The following ROBO1 variants were observed in gnomAD, a reference collection of about 807,000 sequenced individuals.
ROBO1 encodes the protein roundabout guidance receptor 1.
In ROBO1, 149 loss-of-function variants were observed where a neutral mutation model predicts 195.9. The observed-to-expected ratio is 0.76, with a 90% CI of 0.67 to 0.87. ROBO1 has a LOEUF of 0.87. Among genes scored for constraint, ROBO1 ranks in the 40% least tolerant of loss-of-function variants. ROBO1 has a pLI of 0.00. For synonymous variants in ROBO1, 816 were observed against 733.2 expected (o/e 1.11, Z -1.82); for missense variants, 1,933 against 2,068.3 (o/e 0.93, Z 1.27).
intron 3 of ROBO1, among the ~76,000 whole-genome samples, chr3:79,095,452 G>A (rs911751204): frequency 6.6e-6 from 1 of 151,914 alleles, no homozygotes; most frequent in Non-Finnish European, 1.5e-5. Flanking sequence ...AAACTGAGAC[G>A]ACCAGCCACT....
chr3:79,142,842 G>A (rs1399626695), intron 2 of ROBO1, among the ~76,000 whole-genome samples: 1 of 152,026 alleles, frequency 6.6e-6, no homozygotes, highest in Non-Finnish European at 1.5e-5. Flanking sequence ...TCTATATATT[G>A]ACAGAATTAT....
At chr3:79,329,498 T>C (rs1275097513) in intron 2 of ROBO1, among the ~76,000 whole-genome samples, 2 of 152,214 alleles carry the variant, frequency 1.3e-5, no homozygotes, top group Non-Finnish European at 2.9e-5. Flanking sequence ...TGTTTTCTTA[T>C]AAAATAGAAA....
At chr3:79,446,327 C>T (rs980652709) in intron 2 of ROBO1, among the ~76,000 whole-genome samples, 1 of 152,042 alleles carries the variant, frequency 6.6e-6, no homozygotes, top group Non-Finnish European at 1.5e-5. Context: ...TTATAGGAGT[C>T]TATAATTGCA....
intron 2 of ROBO1, among the ~76,000 whole-genome samples, chr3:79,215,788 TC>T: frequency 6.6e-6 from 1 of 152,236 alleles, no homozygotes; most frequent in Admixed American, 6.5e-5. Flanking sequence ...TAAAGGGGGC[TC>T]AATTTGCATT....
At chr3:78,740,213 A>AT (rs1187646208) in intron 5 of ROBO1, among the ~76,000 whole-genome samples, 3 of 152,144 alleles carry the variant, frequency 2.0e-5, no homozygotes, top group African/African-American at 7.2e-5. Context: ...ATTGACAAGT[A>AT]TAAGTGTACC....
At position 78,670,302 on chromosome 3, in the gene ROBO1, C is replaced by A. The variant is rs1707994854; in HGVS notation, c.1343-1G>T. ...ACTGGGGGAGGCCGATCTGCAATCA[C>A]TGCCAGAAGAAACAACAGGAAATAG... On this transcript the variant is annotated splice_acceptor_variant, in intron 10 of 30. Coordinates refer to ENST00000464233, the MANE Select transcript of ROBO1 (RefSeq NM_002941.4). LOFTEE classifies it high-confidence loss of function. 6 of 1,556,016 alleles carry A rather than the reference C, an allele frequency of 3.9e-6. No individual in the cohort carries two copies. The highest frequency in any genetic ancestry group is 5.2e-6 in the Non-Finnish European group (6 of 1,149,154).
At chr3:78,878,041 C>A (rs1427492059) in intron 4 of ROBO1, among the ~76,000 whole-genome samples, 1 of 152,142 alleles carries the variant, frequency 6.6e-6, no homozygotes, top group East Asian at 1.9e-4. Context: ...ATCACCTTAT[C>A]AATTTTCACT....
chr3:78,942,922 AT>A (rs556477712), intron 3 of ROBO1, among the ~76,000 whole-genome samples: 26 of 146,858 alleles, frequency 1.8e-4, no homozygotes, highest in Admixed American at 2.7e-4. Flanking sequence ...TAAAAAGTTT[AT>A]TTTTTTTTTT....
intron 3 of ROBO1, among the ~76,000 whole-genome samples, chr3:78,964,874 G>C (rs918108177): frequency 6.8e-6 from 1 of 146,956 alleles, no homozygotes; most frequent in Non-Finnish European, 1.5e-5. Context: ...TGTAGAGACA[G>C]ATTCTCTCTC....
chr3:79,435,762 T>G (rs2038863352), intron 2 of ROBO1, among the ~76,000 whole-genome samples: 1 of 152,184 alleles, frequency 6.6e-6, no homozygotes, highest in Admixed American at 6.5e-5. Flanking sequence ...TTGAGCAAAC[T>G]TCCTGTTGAA....
intron 29 of ROBO1, among the ~76,000 whole-genome samples, chr3:78,604,662 T>G (rs1037786088): frequency 6.6e-6 from 1 of 152,126 alleles, no homozygotes; most frequent in Admixed American, 6.5e-5. Context: ...ATGCCTGGAT[T>G]AGGAGTTCAT....
At chr3:78,905,069 C>A (rs2037821827) in intron 4 of ROBO1, among the ~76,000 whole-genome samples, 1 of 151,914 alleles carries the variant, frequency 6.6e-6, no homozygotes, top group Admixed American at 6.6e-5. Context: ...TTGCTTCTAC[C>A]ATATTTAAAA....
intron 3 of ROBO1, among the ~76,000 whole-genome samples, chr3:79,075,013 A>C (rs1408394506): frequency 2.6e-5 from 4 of 152,128 alleles, no homozygotes; most frequent in Middle Eastern, 6.8e-3. Flanking sequence ...AGAGGATATT[A>C]ATATGGAATA....
intron 4 of ROBO1, among the ~76,000 whole-genome samples, chr3:78,873,080 G>C (rs2035639963): frequency 6.6e-6 from 1 of 152,034 alleles, no homozygotes; most frequent in Non-Finnish European, 1.5e-5. Context: ...TAAATATTAA[G>C]AATCCCATAT....
intron 1 of ROBO1, among the ~76,000 whole-genome samples, chr3:79,597,160 G>A (rs917087963): frequency 6.6e-6 from 1 of 151,250 alleles, no homozygotes; most frequent in Non-Finnish European, 1.5e-5. Flanking sequence ...TATTATGACT[G>A]ACTAATCTAC....
intron 2 of ROBO1, among the ~76,000 whole-genome samples, chr3:79,152,390 G>A (rs2080788304): frequency 6.6e-6 from 1 of 151,780 alleles, no homozygotes; most frequent in South Asian, 2.1e-4. Context: ...GAGGTAGAGT[G>A]TGGGGACAGA....
chr3:79,526,710 T>C (rs1396927114), intron 2 of ROBO1: 1 of 152,204 alleles, frequency 6.6e-6, no homozygotes, highest in Non-Finnish European at 1.5e-5. Flanking sequence ...AATTTTTGTC[T>C]AAGTATTCAC....
intron 4 of ROBO1, among the ~76,000 whole-genome samples, chr3:78,868,669 A>G (rs764303840): frequency 2.6e-5 from 4 of 152,178 alleles, no homozygotes; most frequent in Non-Finnish European, 5.9e-5. Flanking sequence ...TAAACACAGG[A>G]AAATTGAGCC....
intron 4 of ROBO1, among the ~76,000 whole-genome samples, chr3:78,810,161 G>A (rs2084691709): frequency 6.6e-6 from 1 of 152,172 alleles, no homozygotes; most frequent in South Asian, 2.1e-4. Context: ...GTAAAGAAAA[G>A]CATTCCAAGC....
Sources: allele counts gnomAD v4.1 joint callset (sites outside exome capture counted in the v4.1 genomes callset), GRCh38; gene constraint gnomAD v4.1.1; transcripts MANE v1.5; gene names NCBI Gene and HGNC (gene_info 2026-07-23, HGNC 2026-07-21).